The following AKAP6 variants were observed in gnomAD, a reference collection of about 807,000 sequenced individuals.
AKAP6 encodes the protein A-kinase anchoring protein 6, also known as A-kinase anchor protein 6.
Under a neutral mutation model 188.5 loss-of-function variants are expected in AKAP6, and 58 were observed. That is an observed-to-expected ratio of 0.31 (90% CI 0.25 to 0.38). AKAP6 has a LOEUF of 0.38. AKAP6 is among the 10% of genes least tolerant of loss of function. AKAP6 has a pLI of 1.00. For synonymous variants in AKAP6, 989 were observed against 998.6 expected, an observed-to-expected ratio of 0.99 and a Z score of 0.18; for missense variants, 2,710 against 2,740.0, an observed-to-expected ratio of 0.99 and a Z score of 0.24.
chr14:32,482,973 CTGTGTG>C (rs141150013), intron 2 of AKAP6, among the ~76,000 whole-genome samples: 90,576 of 145,014 alleles, frequency 0.62, 28,485 homozygotes, highest in East Asian at 0.86. Context: ...GTGTGTGTGT[CTGTGTG>C]TGTGTGTGTG....
chr14:32,463,277 C>T (rs1231888672), intron 2 of AKAP6, among the ~76,000 whole-genome samples: 2 of 152,120 alleles, frequency 1.3e-5, no homozygotes, highest in African/African-American at 2.4e-5. Flanking sequence ...AACTCTCCAC[C>T]CCAAATCAAC....
chr14:32,789,541 T>C (rs1057302023), intron 12 of AKAP6, among the ~76,000 whole-genome samples: 1 of 152,164 alleles, frequency 6.6e-6, no homozygotes, highest in African/African-American at 2.4e-5. Flanking sequence ...CCATCTTTGC[T>C]GTTTCACAGC....
chr14:32,776,858 T>G (rs2033083170), intron 12 of AKAP6, among the ~76,000 whole-genome samples: 1 of 152,104 alleles, frequency 6.6e-6, no homozygotes, highest in African/African-American at 2.4e-5. Flanking sequence ...GAGGCTAAAG[T>G]GGCTAACATT....
chr14:32,822,529 T>C lies in AKAP6; in HGVS notation c.4716T>C (p.Ser1572=), dbSNP rs776782950. The change falls in exon 13 of 14, where the codon TCT becomes TCC. Residue 1572 remains serine (S), a synonymous_variant. Transcript: ENST00000280979. The part of the protein sequence containing the change: ...LSHSSSIESL[S]PGGDLFGLGI... ...ATAGTTCATCTATTGAGTCCCTTTCTCCAGGGGGTGATTTATTTGGATTGG... is the reference window on the plus strand; with the variant it reads ...ATAGTTCATCTATTGAGTCCCTTTCCCCAGGGGGTGATTTATTTGGATTGG... The C allele has an allele frequency of 1.2e-6, 2 of 1,613,984 alleles. No individual in the cohort carries two copies. The highest frequency in any genetic ancestry group is 1.7e-6 in the Non-Finnish European group (2 of 1,179,956).
intron 9 of AKAP6, among the ~76,000 whole-genome samples, chr14:32,704,737 A>G (rs1415376006): frequency 6.6e-6 from 1 of 152,210 alleles, no homozygotes; most frequent in East Asian, 1.9e-4. Flanking sequence ...TATCATTGAC[A>G]AAGAGGTATT....
chr14:32,393,863 T>G (rs2138591420), intron 1 of AKAP6, among the ~76,000 whole-genome samples: 1 of 152,234 alleles, frequency 6.6e-6, no homozygotes, highest in South Asian at 2.1e-4. Flanking sequence ...GTATTTGAAG[T>G]TATTTGTTTT....
rs146587924 is a variant in AKAP6 at position 32,557,317 on chromosome 14, C to G, written c.2346+10318C>G. Among the ~76,000 whole-genome samples the G allele has an allele frequency of 1.5e-3, 222 of 152,272 alleles. 1 individual carries two copies. Among genetic ancestry groups the G allele is most frequent in the African/African-American group, 5.0e-3 (209 of 41,568 alleles). ...TTTCACCATGTGCCCAGGCTGGTGT[C>G]GAACTCCTTGGCTCAAGCCATCCTC... On this transcript the variant is annotated intron_variant, in intron 4 of 13. Coordinates refer to ENST00000280979, the MANE Select transcript of AKAP6 (RefSeq NM_004274.5).
At chr14:32,553,313 G>C (rs142285745) in intron 4 of AKAP6, among the ~76,000 whole-genome samples, 252 of 151,904 alleles carry the variant, frequency 1.7e-3, no homozygotes, top group African/African-American at 5.6e-3. Context: ...TGGGATTACA[G>C]GCACCCACCA....
chr14:32,616,170 T>A (rs1886571395), intron 7 of AKAP6, among the ~76,000 whole-genome samples: 1 of 152,212 alleles, frequency 6.6e-6, no homozygotes, highest in Admixed American at 6.5e-5. Flanking sequence ...TAAATTAGCT[T>A]GATCATTGTG....
chr14:32,582,720 T>A (rs1885036326), intron 5 of AKAP6, among the ~76,000 whole-genome samples: 1 of 152,214 alleles, frequency 6.6e-6, no homozygotes, highest in African/African-American at 2.4e-5. Context: ...ACTTCCCTTC[T>A]CGCTTCATTT....
At chr14:32,384,492 A>T (rs569123652) in intron 1 of AKAP6, among the ~76,000 whole-genome samples, 1 of 152,280 alleles carries the variant, frequency 6.6e-6, no homozygotes, top group Admixed American at 6.5e-5. Context: ...TACCTACAAG[A>T]AGTCATAGAA....
At chr14:32,773,537 G>A in intron 11 of AKAP6, 141 bp from the exon 12 acceptor site, 1 of 775,976 alleles carries the variant, frequency 1.3e-6, no homozygotes, top group Non-Finnish European at 2.1e-6. Context: ...ATTCTAAAAG[G>A]GACATCAGAG....
intron 1 of AKAP6, among the ~76,000 whole-genome samples, chr14:32,414,340 A>G (rs1361402329): frequency 2.0e-5 from 3 of 152,130 alleles, no homozygotes; most frequent in African/African-American, 4.8e-5. Flanking sequence ...GAAAAATGAC[A>G]AGTTTCTGAA....
At chr14:32,456,503 G>C (rs1452026307) in intron 2 of AKAP6, among the ~76,000 whole-genome samples, 16 of 152,028 alleles carry the variant, frequency 1.1e-4, no homozygotes. Flanking sequence ...AAAATTTTTT[G>C]TTTTATTATC....
chr14:32,524,474 T>G (rs1021062403), intron 2 of AKAP6, among the ~76,000 whole-genome samples: 1 of 152,020 alleles, frequency 6.6e-6, no homozygotes, highest in Non-Finnish European at 1.5e-5. Context: ...TACATATATA[T>G]TACATACATA....
intron 9 of AKAP6, among the ~76,000 whole-genome samples, chr14:32,717,155 G>A (rs976347000): frequency 5.8e-5 from 8 of 138,952 alleles, no homozygotes; most frequent in African/African-American, 2.4e-4. Flanking sequence ...AAGGTGCTTA[G>A]GGAAAATTCT....
intron 2 of AKAP6, among the ~76,000 whole-genome samples, chr14:32,502,478 A>G (rs1189327368): frequency 6.6e-6 from 1 of 152,150 alleles, no homozygotes; most frequent in Non-Finnish European, 1.5e-5. Flanking sequence ...GTGAATATGA[A>G]ATACATTTAC....
chr14:32,455,155 T>TTTTTTTTAACAA, intron 2 of AKAP6, among the ~76,000 whole-genome samples: 1 of 142,482 alleles, frequency 7.0e-6, no homozygotes, highest in South Asian at 2.2e-4. Flanking sequence ...TAAAAAACAA[T>TTTTTTTTAACAA]TTTTTTTTTT....
intron 2 of AKAP6, among the ~76,000 whole-genome samples, chr14:32,529,816 AGGT>A (rs1486603615): frequency 6.6e-6 from 1 of 152,026 alleles, no homozygotes; most frequent in Non-Finnish European, 1.5e-5. Flanking sequence ...TCAATTTCAA[AGGT>A]TTACTTGTGA....
Sources: allele counts gnomAD v4.1 joint callset (sites outside exome capture counted in the v4.1 genomes callset), GRCh38; gene constraint gnomAD v4.1.1; transcripts MANE v1.5; gene names NCBI Gene and HGNC (gene_info 2026-07-23, HGNC 2026-07-21).